RTN1: variants seen among roughly 807,000 people sequenced by gnomAD.
The protein encoded by RTN1 is reticulon 1, also known as reticulon-1.
RTN1 carries 25 observed loss-of-function variants against 65.5 expected under a neutral mutation model. The observed-to-expected ratio is 0.38, with a 90% CI of 0.28 to 0.53. The LOEUF (loss-of-function observed/expected upper bound fraction) is 0.53, where lower values mean the gene tolerates loss of function less well. RTN1 is among the 20% of genes least tolerant of loss of function. The pLI is 0.79. For synonymous variants in RTN1, 471 were observed against 447.6 expected (o/e 1.05, Z -0.66); for missense variants, 983 against 1,025.4 (o/e 0.96, Z 0.57).
In RTN1 at chr14:59,737,547, T is replaced by C. The variant is rs373898281; in HGVS notation, c.1015+8161A>G. Among the ~76,000 whole-genome samples, 3 of 152,294 alleles carry C rather than the reference T, an allele frequency of 2.0e-5. No individual in the cohort carries two copies. In the East Asian group the frequency reaches 5.8e-4, roughly 29 times the overall value. On this transcript the variant is annotated intron_variant, in intron 2 of 8. Transcript: ENST00000267484. ...GAAATGGAAAAACATTCCATGCTCA[T>C]GGATATGAAGAATCAATATCATGAA... is the stretch of plus-strand genomic sequence containing the variant.
intron 3 of RTN1, among the ~76,000 whole-genome samples, chr14:59,709,651 C>T (rs565689862): frequency 1.3e-5 from 2 of 152,238 alleles, no homozygotes; most frequent in East Asian, 3.9e-4. Context: ...AGTCCGCCTG[C>T]CTATGGGGGT....
intron 1 of RTN1, among the ~76,000 whole-genome samples, chr14:59,759,765 C>T (rs1267654721): frequency 1.3e-5 from 2 of 151,196 alleles, no homozygotes; most frequent in East Asian, 3.9e-4. Context: ...ATGTATGACC[C>T]TGGAACATAA....
intron 4 of RTN1, 26 bp downstream of exon 4, chr14:59,607,259 G>A (rs760665967): frequency 1.2e-6 from 2 of 1,606,266 alleles, no homozygotes; most frequent in African/African-American, 1.3e-5. Flanking sequence ...GTCAGTGGGT[G>A]AGGGCTCCTC....
chr14:59,750,213 T>TATATATTATATATATAATATATA (rs1566713345), intron 1 of RTN1, among the ~76,000 whole-genome samples: 9 of 21,940 alleles, frequency 4.1e-4, no homozygotes, highest in African/African-American at 6.9e-4. Flanking sequence ...ATATATAATA[T>TATATATTATATATATAATATATA]ATATATTATA....
In RTN1 at chr14:59,702,919, C is replaced by T. The variant is rs142855979; in HGVS notation, c.1765+24000G>A. 4.1e-3 allele frequency among the ~76,000 whole-genome samples: 621 copies of T among 152,304 alleles called. 4 individuals are homozygous for T. Among genetic ancestry groups the T allele is most frequent in the African/African-American group, 0.014 (588 of 41,562 alleles). ...CCTTCCAGCCACCCTGGCTTCCTTG[C>T]GGTTCTGTGAACACATCAGACAACT... On this transcript the variant is annotated intron_variant, in intron 3 of 8. Coordinates refer to ENST00000267484, the MANE Select transcript of RTN1 (RefSeq NM_021136.3).
chr14:59,797,961 T>C (rs935376353), intron 1 of RTN1, among the ~76,000 whole-genome samples: 34 of 152,174 alleles, frequency 2.2e-4, no homozygotes, highest in African/African-American at 8.0e-4. Flanking sequence ...ATAATATCAC[T>C]TGAGGGGCTT....
intron 1 of RTN1, among the ~76,000 whole-genome samples, chr14:59,843,074 C>T (rs558000823): frequency 1.3e-5 from 2 of 152,126 alleles, no homozygotes; most frequent in African/African-American, 2.4e-5. Flanking sequence ...TTAAAAAAGT[C>T]CCAAATATCC....
At chr14:59,712,463 C>T (rs1423461319) in intron 3 of RTN1, among the ~76,000 whole-genome samples, 1 of 152,102 alleles carries the variant, frequency 6.6e-6, no homozygotes, top group Non-Finnish European at 1.5e-5. Context: ...CGAGAGGCAA[C>T]CTGTCCCACA....
chr14:59,772,754 A>G (rs1885982801), intron 1 of RTN1, among the ~76,000 whole-genome samples: 1 of 152,166 alleles, frequency 6.6e-6, no homozygotes, highest in Admixed American at 6.6e-5. Flanking sequence ...TAAGATTTTC[A>G]AACAAACACT....
chr14:59,719,177 T>C (rs138226623), intron 3 of RTN1, among the ~76,000 whole-genome samples: 1 of 152,356 alleles, frequency 6.6e-6, no homozygotes, highest in Non-Finnish European at 1.5e-5. Flanking sequence ...AGCACCATGA[T>C]GTGTGCATGG....
chr14:59,820,356 G>GTTTTTTT (rs34274539), intron 1 of RTN1, among the ~76,000 whole-genome samples: 155 of 79,256 alleles, frequency 2.0e-3, no homozygotes, highest in East Asian at 3.2e-3. Flanking sequence ...CTTATTGATA[G>GTTTTTTT]TTTTTTTTTT....
chr14:59,751,763 C>A (rs8020633), intron 1 of RTN1, among the ~76,000 whole-genome samples: 4 of 152,156 alleles, frequency 2.6e-5, no homozygotes, highest in African/African-American at 9.7e-5. Context: ...CCCTCTAGAC[C>A]GCTGTCTCCT....
chr14:59,824,026 A>C (rs868839285), intron 1 of RTN1, among the ~76,000 whole-genome samples: 1 of 152,200 alleles, frequency 6.6e-6, no homozygotes, highest in South Asian at 2.1e-4. Flanking sequence ...TTTTAAACCA[A>C]TTACCTCCTC....
chr14:59,775,119 G>A (rs1347063680), intron 1 of RTN1, among the ~76,000 whole-genome samples: 3 of 152,120 alleles, frequency 2.0e-5, no homozygotes, highest in African/African-American at 4.8e-5. Context: ...TTGTAAAGGC[G>A]ATAAGTTCCA....
intron 3 of RTN1, among the ~76,000 whole-genome samples, chr14:59,690,107 C>A (rs1883930168): frequency 6.6e-6 from 1 of 151,962 alleles, no homozygotes; most frequent in East Asian, 1.9e-4. Flanking sequence ...CATGATCCAC[C>A]ACACACAGCC....
chr14:59,684,512 G>A (rs1883806191), intron 3 of RTN1, among the ~76,000 whole-genome samples: 1 of 151,980 alleles, frequency 6.6e-6, no homozygotes, highest in Admixed American at 6.6e-5. Context: ...AAAGGAAACT[G>A]TGATCTCGTA....
chr14:59,747,117 C>A (rs554085495), intron 1 of RTN1, among the ~76,000 whole-genome samples: 1 of 152,274 alleles, frequency 6.6e-6, no homozygotes, highest in African/African-American at 2.4e-5. Flanking sequence ...TCAGTTTTCC[C>A]TCTTGTTTTG....
At chr14:59,675,341 T>C (rs941868131) in intron 3 of RTN1, among the ~76,000 whole-genome samples, 3 of 150,810 alleles carry the variant, frequency 2.0e-5, no homozygotes, top group African/African-American at 4.9e-5. Flanking sequence ...CCAGGGAATA[T>C]AAAGACAGAA....
intron 8 of RTN1, among the ~76,000 whole-genome samples, chr14:59,598,632 G>A (rs1423910354): frequency 6.6e-6 from 1 of 152,166 alleles, no homozygotes; most frequent in African/African-American, 2.4e-5. Flanking sequence ...ATACTTGAAT[G>A]AATGTCAGGG....
Sources: allele counts gnomAD v4.1 joint callset (sites outside exome capture counted in the v4.1 genomes callset), GRCh38; gene constraint gnomAD v4.1.1; transcripts MANE v1.5; gene names NCBI Gene and HGNC (gene_info 2026-07-23, HGNC 2026-07-21).